Variants in CFAP20DC observed in about 807,000 individuals in gnomAD.
The protein encoded by CFAP20DC is protein CFAP20DC.
Under a neutral mutation model 101.7 loss-of-function variants are expected in CFAP20DC, and 84 were observed. The ratio of observed to expected loss-of-function variants is 0.83; its 90% confidence interval spans 0.69 to 0.99. The LOEUF (loss-of-function observed/expected upper bound fraction) is 0.99, where lower values mean the gene tolerates loss of function less well. Ranked by LOEUF, CFAP20DC falls within the 50% of genes least tolerant of loss-of-function variation. The pLI, the probability that CFAP20DC is intolerant of heterozygous loss-of-function variation, is 0.00. For synonymous variants in CFAP20DC, 359 were observed against 351.2 expected, an observed-to-expected ratio of 1.02 and a Z score of -0.25; for missense variants, 1,007 against 970.3, an observed-to-expected ratio of 1.04 and a Z score of -0.50.
intron 4 of CFAP20DC, among the ~76,000 whole-genome samples, chr3:58,952,259 A>C (rs562480868): frequency 3.7e-4 from 56 of 152,286 alleles, no homozygotes; most frequent in African/African-American, 1.3e-3. Flanking sequence ...AAAAATATTA[A>C]GTGGAAAATA....
intron 7 of CFAP20DC, among the ~76,000 whole-genome samples, chr3:58,879,956 C>T (rs1559757099): frequency 6.6e-6 from 1 of 150,826 alleles, no homozygotes; most frequent in Non-Finnish European, 1.5e-5. Context: ...CGATTTCCTT[C>T]TTATTATATA....
At chr3:58,751,083 TC>T (rs138921259) in intron 16 of CFAP20DC, among the ~76,000 whole-genome samples, 8,455 of 152,198 alleles carry the variant, frequency 0.056, 518 homozygotes, top group East Asian at 0.35. Flanking sequence ...CAACCTCCTT[TC>T]CTCCCTTTAT....
chr3:58,918,527 T>C (rs1310788122), intron 5 of CFAP20DC, among the ~76,000 whole-genome samples: 1 of 152,190 alleles, frequency 6.6e-6, no homozygotes, highest in Non-Finnish European at 1.5e-5. Flanking sequence ...CTATTCTGAA[T>C]CCACTCATAG....
At chr3:58,970,654 T>C (rs2091897691) in intron 4 of CFAP20DC, 1 of 152,158 alleles carries the variant, frequency 6.6e-6, no homozygotes. Context: ...TTCCACATCA[T>C]CAGTCTTGAA....
At chr3:58,850,614 A>G (rs1411609383) in intron 12 of CFAP20DC, among the ~76,000 whole-genome samples, 3 of 151,612 alleles carry the variant, frequency 2.0e-5, no homozygotes, top group African/African-American at 7.3e-5. Flanking sequence ...AGACAAAACA[A>G]CAAAAAAAAC....
At chr3:58,980,198 T>G (rs1365858014) in intron 4 of CFAP20DC, among the ~76,000 whole-genome samples, 1 of 152,158 alleles carries the variant, frequency 6.6e-6, no homozygotes, top group Non-Finnish European at 1.5e-5. Context: ...TCTGTCTGAG[T>G]TGTCTGCCTC....
At chr3:58,937,627 C>A in intron 5 of CFAP20DC, 21 bp downstream of exon 5, 2 of 1,361,008 alleles carry the variant, frequency 1.5e-6, no homozygotes, top group Non-Finnish European at 2.1e-6. Flanking sequence ...ATATTTTAGG[C>A]AACATTCATG....
In CFAP20DC at chr3:59,006,559, C is replaced by T. The variant is rs990204574; in HGVS notation, c.278+32998G>A. ...CTGGGGAATCTGAAAATCCAGATCA[C>T]GGGAGAAGGACTTAACCTTACCTAC... On this transcript the variant is annotated intron_variant, in intron 4 of 16. Transcript: ENST00000482387. The surrounding 1 kb of genome is among the most constrained non-coding windows in gnomAD (Gnocchi z 4.3). 2.6e-4 allele frequency among the ~76,000 whole-genome samples: 39 copies of T among 152,144 alleles called. No homozygotes were observed. The highest frequency in any genetic ancestry group is 9.2e-4 in the African/African-American group (38 of 41,430).
chr3:58,764,356 T>C (rs1323738016), intron 15 of CFAP20DC, among the ~76,000 whole-genome samples: 2 of 152,206 alleles, frequency 1.3e-5, no homozygotes, highest in Non-Finnish European at 1.5e-5. Context: ...TATAATCTCC[T>C]GGTGTGCCGT....
chr3:58,793,264 G>A (rs2072996738), intron 15 of CFAP20DC, among the ~76,000 whole-genome samples: 1 of 152,032 alleles, frequency 6.6e-6, no homozygotes, highest in South Asian at 2.1e-4. Flanking sequence ...CTCACAATCC[G>A]TCAAAGTGAC....
chr3:59,030,427 G>A (rs752414835), intron 4 of CFAP20DC, among the ~76,000 whole-genome samples: 1 of 152,206 alleles, frequency 6.6e-6, no homozygotes, highest in Non-Finnish European at 1.5e-5. Context: ...TAGAGAGTTA[G>A]CATATTTTCT....
chr3:58,838,335 C>T (rs1038907289), intron 13 of CFAP20DC, among the ~76,000 whole-genome samples: 1 of 152,106 alleles, frequency 6.6e-6, no homozygotes, highest in Admixed American at 6.6e-5. Context: ...GCACATGGAC[C>T]TAGGCATAAC....
intron 12 of CFAP20DC, among the ~76,000 whole-genome samples, chr3:58,854,583 C>G (rs2108369849): frequency 6.6e-6 from 1 of 152,302 alleles, no homozygotes; most frequent in East Asian, 1.9e-4. Flanking sequence ...TGAGTTCAAA[C>G]TATACTACAA....
intron 6 of CFAP20DC, among the ~76,000 whole-genome samples, chr3:58,887,114 C>T (rs1008925308): frequency 1.3e-5 from 2 of 152,150 alleles, no homozygotes; most frequent in Non-Finnish European, 2.9e-5. Flanking sequence ...ATCAGCAATG[C>T]AATGATTTCT....
intron 4 of CFAP20DC, among the ~76,000 whole-genome samples, chr3:58,938,380 A>G (rs1333210294): frequency 6.6e-6 from 1 of 152,168 alleles, no homozygotes; most frequent in Admixed American, 6.5e-5. Context: ...GATCACAAAG[A>G]TTAGGTTTGC....
intron 4 of CFAP20DC, chr3:58,953,688 G>A (rs531855943): frequency 3.3e-5 from 5 of 152,286 alleles, no homozygotes; most frequent in African/African-American, 1.2e-4. Context: ...ATGCATATGT[G>A]TGACTACTTA....
intron 4 of CFAP20DC, among the ~76,000 whole-genome samples, chr3:59,004,626 T>C (rs2093391594): frequency 1.3e-5 from 2 of 152,230 alleles, no homozygotes; most frequent in African/African-American, 4.8e-5. Context: ...AAGTCGTCAT[T>C]AAAAATTGTT....
At chr3:58,751,275 C>T (rs528836377) in intron 16 of CFAP20DC, among the ~76,000 whole-genome samples, 111 of 152,244 alleles carry the variant, frequency 7.3e-4, no homozygotes, top group African/African-American at 2.6e-3. Context: ...AAAAGGCATG[C>T]AGATTATGTT....
At chr3:58,984,033 G>C (rs144131792) in intron 4 of CFAP20DC, among the ~76,000 whole-genome samples, 2,677 of 152,258 alleles carry the variant, frequency 0.018, 34 homozygotes, top group Non-Finnish European at 0.026. Context: ...ACTTTATAAT[G>C]ATATCTCACC....
Sources: gnomAD v4.1 joint callset for allele counts (sites outside exome capture counted in the v4.1 genomes callset) on GRCh38, gnomAD v4.1.1 for gene constraint, Gnocchi (gnomAD v3.1) non-coding constraint, MANE v1.5 for transcripts, NCBI Gene and HGNC (gene_info 2026-07-23, HGNC 2026-07-21) for gene names.